FMN1: variants seen among roughly 807,000 people sequenced by gnomAD.
The protein encoded by FMN1 is formin-1.
In FMN1, 110 loss-of-function variants were observed where a neutral mutation model predicts 132.4. The ratio of observed to expected loss-of-function variants is 0.83; its 90% CI spans 0.71 to 0.97. FMN1 has a LOEUF of 0.97. Among genes scored for constraint, FMN1 ranks in the 50% least tolerant of loss-of-function variants. The pLI is 0.00. For synonymous variants in FMN1, 722 were observed against 651.7 expected (o/e 1.11, Z -1.64); for missense variants, 1,792 against 1,705.3 (o/e 1.05, Z -0.90).
intron 4 of FMN1, among the ~76,000 whole-genome samples, chr15:33,130,575 CTG>C (rs1963498563): frequency 6.6e-6 from 1 of 151,568 alleles, no homozygotes; most frequent in Non-Finnish European, 1.5e-5. Context: ...CAAGAAAATG[CTG>C]TGATATAAGG....
At chr15:32,935,414 C>A (rs959820399) in intron 9 of FMN1, among the ~76,000 whole-genome samples, 1 of 152,074 alleles carries the variant, frequency 6.6e-6, no homozygotes, top group African/African-American at 2.4e-5. Context: ...TAACTTTTGA[C>A]AGTTTGATTA....
Position 32,798,804 on chromosome 15 carries a change from C to A in FMN1, c.4130G>T (p.Arg1377Ile). The A allele has an allele frequency of 6.2e-7, 1 of 1,609,948 alleles. No homozygotes were observed. The highest frequency in any genetic ancestry group is 8.5e-7 in the Non-Finnish European group (1 of 1,177,998). ...KRESKNISKE[R>I]LKMAQESVSK... ...ATTAAAATCTTTTTTTGAACCTTAC[C>A]TTTCTTTAGATATGTTTTTACTCTC... The change falls in exon 19 of 21, where the codon AGA becomes ATA. Residue 1377 changes from arginine (R) to isoleucine (I), a missense_variant and splice_region_variant. By Grantham distance (97) the Arg-to-Ile change is moderately conservative (BLOSUM62 -3). This residue lies in a region of FMN1 where 1,150 missense variants were observed against 1,043.1 expected (regional missense o/e 1.10). Transcript: ENST00000616417.
rs116636614 is a variant in FMN1 at position 32,834,055 on chromosome 15, A to G, written c.3928+22960T>C. 8.1e-3 allele frequency among the ~76,000 whole-genome samples: 1,236 copies of G among 152,250 alleles called. 26 individuals are homozygous for G. The highest frequency in any genetic ancestry group is 0.029 in the African/African-American group (1,194 of 41,524). ...CAGAACCTCCTGGCATTTATTTCCA[A>G]TTCAGTTCTGTTTCCTTTCACCAAC... On this transcript the variant is annotated intron_variant, in intron 17 of 20. Transcript: ENST00000616417.
chr15:32,943,035 C>T (rs143696105), intron 9 of FMN1, among the ~76,000 whole-genome samples: 106 of 152,282 alleles, frequency 7.0e-4, no homozygotes, highest in African/African-American at 2.4e-3. Flanking sequence ...ATTTCAAAAT[C>T]CAGAACTTTT....
At chr15:33,164,548 G>C (rs934955089) in intron 3 of FMN1, among the ~76,000 whole-genome samples, 1 of 152,180 alleles carries the variant, frequency 6.6e-6, no homozygotes, top group Non-Finnish European at 1.5e-5. Flanking sequence ...TGTTAACAAG[G>C]TGTGCGCATT....
chr15:33,102,243 G>A (rs916277865), intron 4 of FMN1, among the ~76,000 whole-genome samples: 1 of 152,056 alleles, frequency 6.6e-6, no homozygotes, highest in Non-Finnish European at 1.5e-5. Flanking sequence ...AGTTCCAGAA[G>A]CATTCATACT....
At chr15:32,989,490 A>G (rs1414276166) in intron 7 of FMN1, among the ~76,000 whole-genome samples, 1 of 152,134 alleles carries the variant, frequency 6.6e-6, no homozygotes, top group African/African-American at 2.4e-5. Flanking sequence ...GTGTAGGGAA[A>G]TAGCGGAAGA....
At chr15:32,936,046 AT>A (rs2061261502) in intron 9 of FMN1, among the ~76,000 whole-genome samples, 1 of 151,992 alleles carries the variant, frequency 6.6e-6, no homozygotes, top group Non-Finnish European at 1.5e-5. Flanking sequence ...GAGCTTTTAA[AT>A]TTGGTTATTG....
At chr15:32,888,583 C>T (rs2059949753) in intron 15 of FMN1, among the ~76,000 whole-genome samples, 1 of 152,210 alleles carries the variant, frequency 6.6e-6, no homozygotes, top group Admixed American at 6.5e-5. Context: ...TGATCTTGGA[C>T]ACTCCACTCC....
chr15:33,006,724 A>G (rs1257466525), intron 7 of FMN1, among the ~76,000 whole-genome samples: 2 of 152,208 alleles, frequency 1.3e-5, no homozygotes, highest in Non-Finnish European at 2.9e-5. Flanking sequence ...GAAAAAAATA[A>G]TCCTGTCATT....
intron 17 of FMN1, among the ~76,000 whole-genome samples, chr15:32,855,178 A>G (rs201821576): frequency 0.14 from 21,080 of 149,038 alleles, 1,934 homozygotes; most frequent in East Asian, 0.3. Flanking sequence ...AAAAAAAAAA[A>G]AAAAGAAAAA....
intron 17 of FMN1, among the ~76,000 whole-genome samples, chr15:32,813,074 A>T (rs1157402957): frequency 6.6e-6 from 1 of 152,218 alleles, no homozygotes; most frequent in African/African-American, 2.4e-5. Context: ...ACAGTCTAAC[A>T]ACTAGTTATA....
At chr15:33,133,040 C>T (rs995086127) in intron 4 of FMN1, among the ~76,000 whole-genome samples, 1 of 152,186 alleles carries the variant, frequency 6.6e-6, no homozygotes, top group Non-Finnish European at 1.5e-5. Context: ...AGAAGTGCCC[C>T]AAGTCACAGA....
At chr15:32,992,782 C>T (rs1280011006) in intron 7 of FMN1, among the ~76,000 whole-genome samples, 2 of 152,024 alleles carry the variant, frequency 1.3e-5, no homozygotes, top group Non-Finnish European at 2.9e-5. Context: ...TTTATTAAAT[C>T]TATGTTATAA....
chr15:33,064,514 G>A (rs12904922), intron 6 of FMN1: 19,850 of 152,388 alleles, frequency 0.13, 1,536 homozygotes, highest in Middle Eastern at 0.22. Flanking sequence ...TAACTGATAC[G>A]GTATCTGTAC....
At chr15:33,015,681 G>C (rs1195796094) in intron 6 of FMN1, among the ~76,000 whole-genome samples, 1 of 149,344 alleles carries the variant, frequency 6.7e-6, no homozygotes, top group Non-Finnish European at 1.5e-5. Context: ...TCACATTGTT[G>C]TATTTTCAAG....
chr15:33,128,425 T>C (rs893970475), intron 4 of FMN1, among the ~76,000 whole-genome samples: 1 of 152,214 alleles, frequency 6.6e-6, no homozygotes, highest in Non-Finnish European at 1.5e-5. Context: ...AATCATTCTT[T>C]CTACCTCCTA....
chr15:32,965,026 AG>A (rs2031064004), intron 8 of FMN1, among the ~76,000 whole-genome samples: 2 of 152,218 alleles, frequency 1.3e-5, no homozygotes, highest in African/African-American at 4.8e-5. Flanking sequence ...AGCTGACTCC[AG>A]TGGTCACTCC....
intron 9 of FMN1, 59 bp downstream of exon 9, chr15:32,964,048 C>CACACACACAT (rs753118665): frequency 2.0e-4 from 225 of 1,124,594 alleles, no homozygotes; most frequent in African/African-American, 1.3e-3. Context: ...CACACACACA[C>CACACACACAT]ATATATACCA....
Sources: allele counts gnomAD v4.1 joint callset (sites outside exome capture counted in the v4.1 genomes callset), GRCh38; gene constraint gnomAD v4.1.1; regional missense constraint gnomAD v4.1.1; transcripts MANE v1.5; gene names NCBI Gene and HGNC (gene_info 2026-07-23, HGNC 2026-07-21).